Variants in PRKCE observed in about 807,000 individuals in gnomAD.
The protein encoded by PRKCE is protein kinase C epsilon type.
A neutral mutation model predicts 85.4 loss-of-function variants in PRKCE; 16 were observed. The observed-to-expected ratio is 0.19, with a 90% CI of 0.13 to 0.28. The LOEUF (loss-of-function observed/expected upper bound fraction) is 0.28. Among genes scored for constraint, PRKCE ranks in the 10% least tolerant of loss-of-function variants. The probability of loss-of-function intolerance (pLI) is 1.00; values close to 1 mark genes in which losing one functional copy is unlikely to be tolerated. For synonymous variants in PRKCE, 388 were observed against 371.5 expected (o/e 1.04, Z -0.51); for missense variants, 573 against 975.2 (o/e 0.59, Z 5.49).
intron 11 of PRKCE, among the ~76,000 whole-genome samples, chr2:46,115,244 A>G (rs964151381): frequency 6.6e-6 from 1 of 152,250 alleles, no homozygotes; most frequent in Admixed American, 6.5e-5. Context: ...GCCTCTTGCC[A>G]TCTGGTCTTC....
chr2:46,160,418 G>A (rs937673520), intron 14 of PRKCE, among the ~76,000 whole-genome samples: 5 of 152,206 alleles, frequency 3.3e-5, no homozygotes, highest in African/African-American at 1.2e-4. Context: ...TAAAGACCAC[G>A]TCCTGGCAGT....
In PRKCE at chr2:45,774,463, G is replaced by A. The variant is rs999246943; in HGVS notation, c.349-68537G>A. Among the ~76,000 whole-genome samples, 5 of 152,136 alleles carry A rather than the reference G, an allele frequency of 3.3e-5. No individual in the cohort carries two copies. Among genetic ancestry groups the A allele is most frequent in the South Asian group, 2.1e-4 (1 of 4,828 alleles). On this transcript the variant is annotated intron_variant, in intron 1 of 14. Transcript: ENST00000306156. The surrounding 1 kb of genome is among the most constrained non-coding windows in gnomAD (Gnocchi z 4.3). ...GCACGGCTTTAGAGACCGAGTGCCC[G>A]CTTTTTCTCTCTTTTTGATAAATTC...
chr2:45,757,239 C>T (rs72799985), intron 1 of PRKCE, among the ~76,000 whole-genome samples: 42,069 of 136,384 alleles, frequency 0.31, 6,472 homozygotes, highest in East Asian at 0.43. Flanking sequence ...ACCCAGGAGG[C>T]GGAGTTGCAG....
At chr2:45,746,121 C>T (rs1683118190) in intron 1 of PRKCE, among the ~76,000 whole-genome samples, 2 of 152,276 alleles carry the variant, frequency 1.3e-5, no homozygotes, top group South Asian at 2.1e-4. Context: ...TTTCCCTGCC[C>T]CTTCCCTCCT....
chr2:45,738,983 A>G (rs188325003), intron 1 of PRKCE, among the ~76,000 whole-genome samples: 1 of 152,228 alleles, frequency 6.6e-6, no homozygotes, highest in African/African-American at 2.4e-5. Context: ...CAGTCCAAGG[A>G]TAGATGGAAG....
chr2:45,811,142 G>C (rs1211671007), intron 1 of PRKCE, among the ~76,000 whole-genome samples: 3 of 152,206 alleles, frequency 2.0e-5, no homozygotes, highest in African/African-American at 7.2e-5. Flanking sequence ...CTGTTGTACA[G>C]GAGAAGGGGA....
At chr2:45,676,819 C>A (rs1676476709) in intron 1 of PRKCE, 2 of 152,166 alleles carry the variant, frequency 1.3e-5, no homozygotes, top group South Asian at 4.1e-4. Flanking sequence ...CTAGATCATT[C>A]ATTTAATAAA....
At chr2:45,684,009 C>T (rs1220583862) in intron 1 of PRKCE, among the ~76,000 whole-genome samples, 1 of 152,184 alleles carries the variant, frequency 6.6e-6, no homozygotes. Flanking sequence ...CACTGAACAC[C>T]ATAAACAACT....
intron 2 of PRKCE, among the ~76,000 whole-genome samples, chr2:45,950,158 A>G (rs1483754134): frequency 6.6e-6 from 1 of 152,230 alleles, no homozygotes; most frequent in Admixed American, 6.5e-5. Context: ...TCTAATTGGC[A>G]TCCTGGGAAC....
intron 2 of PRKCE, among the ~76,000 whole-genome samples, chr2:45,965,355 A>G (rs983878674): frequency 6.6e-6 from 1 of 152,260 alleles, no homozygotes; most frequent in Non-Finnish European, 1.5e-5. Flanking sequence ...AATAAAAGGC[A>G]CGGCTGCTTT....
At chr2:45,657,403 A>T (rs938180912) in intron 1 of PRKCE, among the ~76,000 whole-genome samples, 1 of 151,978 alleles carries the variant, frequency 6.6e-6, no homozygotes, top group African/African-American at 2.4e-5. Flanking sequence ...TAATAAATAT[A>T]CCTCCCTATA....
At chr2:46,027,947 C>G (rs935066523) in intron 10 of PRKCE, among the ~76,000 whole-genome samples, 1 of 145,916 alleles carries the variant, frequency 6.9e-6, no homozygotes, top group South Asian at 2.2e-4. Context: ...TCTTTTTTTT[C>G]TTTTTTTTTT....
chr2:45,993,938 C>G (rs1026036126), intron 6 of PRKCE, among the ~76,000 whole-genome samples: 1 of 152,092 alleles, frequency 6.6e-6, no homozygotes, highest in East Asian at 1.9e-4. Context: ...CTGCCACCAC[C>G]TCACCCCACC....
Position 45,731,290 on chromosome 2 carries a change from G to A in PRKCE, c.348+78842G>A, listed in dbSNP as rs551748967. 3.3e-5 allele frequency among the ~76,000 whole-genome samples: 5 copies of A among 152,204 alleles called. No individual in the cohort carries two copies. The South Asian group carries it at 8.3e-4, about 25-fold the overall frequency. Reference sequence around the variant, plus strand: ...CTCTTGGGCTCAGAGCATTCACTTAGACAGAGCAGCTCCATTCCTTGTGGT... The same window carrying A: ...CTCTTGGGCTCAGAGCATTCACTTAAACAGAGCAGCTCCATTCCTTGTGGT... On this transcript the variant is annotated intron_variant, in intron 1 of 14. Coordinates refer to ENST00000306156, the MANE Select transcript of PRKCE (RefSeq NM_005400.3).
intron 11 of PRKCE, among the ~76,000 whole-genome samples, chr2:46,096,445 G>A (rs999859614): frequency 6.6e-6 from 1 of 152,186 alleles, no homozygotes; most frequent in African/African-American, 2.4e-5. Flanking sequence ...ACCACAGAAT[G>A]TGATGGCATT....
chr2:45,744,190 A>G (rs1351127777), intron 1 of PRKCE, among the ~76,000 whole-genome samples: 2 of 152,140 alleles, frequency 1.3e-5, no homozygotes, highest in Admixed American at 6.6e-5. Flanking sequence ...GACATAATAG[A>G]TACAATATGC....
intron 10 of PRKCE, among the ~76,000 whole-genome samples, chr2:46,020,908 A>G (rs769433154): frequency 6.6e-6 from 1 of 152,256 alleles, no homozygotes; most frequent in Non-Finnish European, 1.5e-5. Context: ...AGCTGATTTC[A>G]TCAATCTTAC....
intron 1 of PRKCE, among the ~76,000 whole-genome samples, chr2:45,688,218 G>A (rs1365540253): frequency 6.6e-6 from 1 of 152,130 alleles, no homozygotes; most frequent in African/African-American, 2.4e-5. Context: ...AGCAGTTGGA[G>A]GCCAGAAGGA....
chr2:46,186,140 A>G lies in PRKCE; in HGVS notation c.*1259A>G, dbSNP rs182961389. Reference sequence around the variant, plus strand: ...AACTCATGTGGACACTATTGAAGGGATGTGACATTACCTCCTGTAGATATG... The same window carrying G: ...AACTCATGTGGACACTATTGAAGGGGTGTGACATTACCTCCTGTAGATATG... On this transcript the variant is annotated 3_prime_UTR_variant, in exon 15 of 15. Coordinates refer to ENST00000306156, the MANE Select transcript of PRKCE (RefSeq NM_005400.3). The G allele has an allele frequency of 5.3e-4, 81 of 152,648 alleles. No individual in the cohort carries two copies. Among genetic ancestry groups the G allele is most frequent in the African/African-American group, 1.9e-3 (77 of 41,524 alleles). 9.5% of individuals were successfully genotyped at this position (152,648 alleles called of 1,614,324 possible). A position where few individuals can be genotyped will look rare whatever the true frequency, so the allele number is the denominator to read the frequency against.
Sources: allele counts gnomAD v4.1 joint callset (sites outside exome capture counted in the v4.1 genomes callset), GRCh38; gene constraint gnomAD v4.1.1; non-coding constraint Gnocchi (gnomAD v3.1); transcripts MANE v1.5; gene names NCBI Gene and HGNC (gene_info 2026-07-23, HGNC 2026-07-21).